Variants in MAVS observed in about 807,000 individuals in gnomAD.
MAVS encodes mitochondrial antiviral signaling protein.
A neutral mutation model predicts 30.2 loss-of-function variants in MAVS; 20 were observed. The ratio of observed to expected loss-of-function variants is 0.66; its 90% CI spans 0.47 to 0.96. The LOEUF (loss-of-function observed/expected upper bound fraction) is 0.96. Ranked by LOEUF, MAVS falls within the 40% of genes least tolerant of loss-of-function variation. The pLI, the probability that MAVS is intolerant of heterozygous loss-of-function variation, is 0.00. For synonymous variants in MAVS, 278 were observed against 293.9 expected, an observed-to-expected ratio of 0.95 and a Z score of 0.55; for missense variants, 624 against 701.1, an observed-to-expected ratio of 0.89 and a Z score of 1.24.
Position 3,875,659 on chromosome 20 carries a change from C to G in MAVS, c.*9512C>G, listed in dbSNP as rs1337823644. On this transcript the variant is annotated 3_prime_UTR_variant, in exon 7 of 7. Transcript: ENST00000428216. ...TCTTGTCCTGCATCCGCAGCCAGCT[C>G]CCACTTTCCTCACCCTCCAGGACCT... 1 of 152,276 alleles carries G rather than the reference C, an allele frequency of 6.6e-6. No individual in the cohort carries two copies. Among genetic ancestry groups the G allele is most frequent in the Non-Finnish European group, 1.5e-5 (1 of 68,042 alleles). The allele number at this position is 152,276 out of a possible 1,614,324, so 9.4% of individuals were successfully genotyped here.
chr20:3,848,265 AT>A (rs1283638724), intron 1 of MAVS, among the ~76,000 whole-genome samples: 1 of 151,820 alleles, frequency 6.6e-6, no homozygotes, highest in Non-Finnish European at 1.5e-5. Flanking sequence ...TGCCTGGCTA[AT>A]TTTTGCATTT....
At position 3,873,881 on chromosome 20, in the gene MAVS, G is replaced by A. The variant is rs2089972744; in HGVS notation, c.*7734G>A. 1.6e-5 allele frequency: 6 copies of A among 380,222 alleles called. No homozygotes were observed. Among genetic ancestry groups the A allele is most frequent in the Admixed American group, 4.6e-5 (1 of 21,818 alleles). The allele number at this position is 380,222 out of a possible 1,614,324, so 23.6% of individuals were successfully genotyped here. On this transcript the variant is annotated 3_prime_UTR_variant, in exon 7 of 7. Transcript: ENST00000428216. ...AGTATCTACCAAAAGCCGAACATAC[G>A]TATAAACTGATCCAGCAGTTCCACT...
chr20:3,848,642 T>C (rs558674859), intron 1 of MAVS, among the ~76,000 whole-genome samples: 1 of 152,286 alleles, frequency 6.6e-6, no homozygotes, highest in East Asian at 1.9e-4. Context: ...CTGTCTGCTC[T>C]ACAGCACTGC....
At chr20:3,859,210 A>C (rs1047897190) in intron 3 of MAVS, among the ~76,000 whole-genome samples, 3 of 142,926 alleles carry the variant, frequency 2.1e-5, no homozygotes, top group African/African-American at 7.7e-5. Flanking sequence ...ATGTGTGGAG[A>C]TTAATAGTGA....
rs1393833997 is a variant in MAVS, at chr20:3,868,090, T to G, written c.*1943T>G. ...CTAGGGGAGTTCAGCAACCTAATGA[T>G]CTCTATCTCTGAACATCTCTTCATC... is the stretch of plus-strand genomic sequence containing the variant. On this transcript the variant is annotated 3_prime_UTR_variant, in exon 7 of 7. Transcript: ENST00000428216. 6.6e-6 allele frequency: 1 copy of G among 152,202 alleles called. No homozygotes were observed. The highest frequency in any genetic ancestry group is 1.5e-5 in the Non-Finnish European group (1 of 68,090). 9.4% of individuals were successfully genotyped at this position (152,202 alleles called of 1,614,324 possible).
rs1310245514 is a variant in MAVS at position 3,865,522 on chromosome 20, T to G, written c.1159-161T>G. 2.6e-5 allele frequency among the ~76,000 whole-genome samples: 4 copies of G among 152,136 alleles called. No homozygotes were observed. The highest frequency in any genetic ancestry group is 4.4e-5 in the Non-Finnish European group (3 of 68,014). On this transcript the variant is annotated intron_variant, in intron 6 of 6. Transcript: ENST00000428216. This position sits in a 1 kb window ranked among gnomAD's most constrained non-coding sequence, Gnocchi z 4.7. Reference sequence around the variant, plus strand: ...ATTGGTGCAGATTCTTGGTCCCCTCTACCCCCACTGCTCCAAGAAAAGGTG... The same window carrying G: ...ATTGGTGCAGATTCTTGGTCCCCTCGACCCCCACTGCTCCAAGAAAAGGTG...
In MAVS at chr20:3,854,702, GA is replaced by G. The variant is rs2089794345; in HGVS notation, c.79del (p.Ile27PhefsTer50). 1.4e-5 allele frequency: 23 copies of G among 1,613,756 alleles called. No individual in the cohort carries two copies. The highest frequency in any genetic ancestry group is 1.7e-5 in the Non-Finnish European group (20 of 1,179,914). The stretch of plus-strand genomic sequence containing the variant: ...ATTTTTGCAATGTGGATGTTGTAGA[GA>G]TTCTGCCTTACCTGCCCTGCCTCAC... Reference protein sequence around the residue: ...SNFCNVDVVEILPYLPCLTAR... With the variant: ...SNFCNVDVVEXLPYLPCLTAR... On this transcript the variant is annotated frameshift_variant, in exon 2 of 7. Coordinates refer to ENST00000428216, the MANE Select transcript of MAVS (RefSeq NM_020746.5). LOFTEE classifies it high-confidence loss of function.
Position 3,865,972 on chromosome 20 carries a change from C to G in MAVS, c.1448C>G (p.Pro483Arg). ...NPSIQLLEGN[P>R]GPPADPDGGP... is the part of the protein sequence containing the mutation. ...AGCATCCAGCTCCTGGAGGGCAACC[C>G]TGGGCCACCTGCGGACCCGGATGGC... The change falls in exon 7 of 7, where the codon CCT (proline) becomes CGT (arginine). Residue 483 changes from proline (P) to arginine (R), a missense_variant. Transcript: ENST00000428216. The surrounding 1 kb of genome is among the most constrained non-coding windows in gnomAD (Gnocchi z 4.7). 6.2e-7 allele frequency: 1 copy of G among 1,613,516 alleles called. No individual in the cohort carries two copies. Among genetic ancestry groups the G allele is most frequent in the Non-Finnish European group, 8.5e-7 (1 of 1,180,014 alleles).
rs918855664 is a variant in MAVS, at chr20:3,866,572, T to C, written c.*425T>C. On this transcript the variant is annotated 3_prime_UTR_variant, in exon 7 of 7. Coordinates refer to ENST00000428216, the MANE Select transcript of MAVS (RefSeq NM_020746.5). ...TGAAGGCCTCAGGGCAGGTATGTGG[T>C]GTGTGGGCGACTCCACAAGACCTGC... 1 of 349,702 alleles carries C rather than the reference T, an allele frequency of 2.9e-6. No homozygotes were observed. Among genetic ancestry groups the C allele is most frequent in the African/African-American group, 2.1e-5 (1 of 46,970 alleles). The allele number at this position is 349,702 out of a possible 1,614,324, so 21.7% of individuals were successfully genotyped here.
Position 3,866,497 on chromosome 20 carries a change from C to A in MAVS, c.*350C>A. ...GTTGGCCCAGGTGGAGCAGGAGGGA[C>A]CACTGGAACATGTGGTGCTTGGGAA... is the stretch of plus-strand genomic sequence containing the variant. On this transcript the variant is annotated 3_prime_UTR_variant, in exon 7 of 7. Transcript: ENST00000428216. 1 of 383,658 alleles carries A rather than the reference C, an allele frequency of 2.6e-6. No individual in the cohort carries two copies. The highest frequency in any genetic ancestry group is 4.3e-5 in the Admixed American group (1 of 23,066). The allele number at this position is 383,658 out of a possible 1,614,324, so 23.8% of individuals were successfully genotyped here.
chr20:3,854,891 CTTTTTTT>C (rs61256246), intron 2 of MAVS, 150 bp downstream of exon 2: 8 of 304,166 alleles, frequency 2.6e-5, no homozygotes, highest in Non-Finnish European at 4.0e-5. Context: ...TGCTGCTTTT[CTTTTTTT>C]TTTTTTTTTT....
At chr20:3,848,291 G>A (rs947884299) in intron 1 of MAVS, among the ~76,000 whole-genome samples, 2 of 152,068 alleles carry the variant, frequency 1.3e-5, no homozygotes, top group African/African-American at 4.8e-5. Context: ...TAGAGACGGG[G>A]TTTCACCATG....
At chr20:3,855,005 C>T (rs1444984994) in intron 2 of MAVS, among the ~76,000 whole-genome samples, 1 of 151,284 alleles carries the variant, frequency 6.6e-6, no homozygotes, top group Non-Finnish European at 1.5e-5. Flanking sequence ...ATTCTCCTGC[C>T]TCAGCCTCCT....
chr20:3,859,400 T>C (rs1032298274), intron 3 of MAVS, among the ~76,000 whole-genome samples: 6 of 150,996 alleles, frequency 4.0e-5, no homozygotes, highest in Non-Finnish European at 7.4e-5. Context: ...CCCAGCTACT[T>C]GGGAGGCTGA....
intron 1 of MAVS, among the ~76,000 whole-genome samples, chr20:3,848,887 C>G (rs2089733529): frequency 6.6e-6 from 1 of 152,116 alleles, no homozygotes; most frequent in Non-Finnish European, 1.5e-5. Flanking sequence ...CCCTTATCTC[C>G]TACACCCTCA....
Position 3,865,559 on chromosome 20 carries a change from T to G in MAVS, c.1159-124T>G. 10 of 884,066 alleles carry G rather than the reference T, an allele frequency of 1.1e-5. No individual in the cohort carries two copies. Among genetic ancestry groups the G allele is most frequent in the Non-Finnish European group, 1.4e-5 (8 of 590,734 alleles). 54.8% of individuals were successfully genotyped at this position (884,066 alleles called of 1,614,324 possible). A position where few individuals can be genotyped will look rare whatever the true frequency, so the allele number is the denominator to read the frequency against. ...TCCAAGAAAAGGTGGCCTAGGGGCA[T>G]TATAGATTGGGAATTGAGGGGTTGG... On this transcript the variant is annotated intron_variant, in intron 6 of 6. Transcript: ENST00000428216. The surrounding 1 kb of genome is among the most constrained non-coding windows in gnomAD (Gnocchi z 4.7).
rs762460776 is a variant in MAVS, at chr20:3,875,326, G to A, written c.*9179G>A. The A allele has an allele frequency of 2.0e-5, 3 of 152,050 alleles. No individual in the cohort carries two copies. Among genetic ancestry groups the A allele is most frequent in the Non-Finnish European group, 2.9e-5 (2 of 68,018 alleles). 9.4% of individuals were successfully genotyped at this position (152,050 alleles called of 1,614,324 possible). A position where few individuals can be genotyped will look rare whatever the true frequency, so the allele number is the denominator to read the frequency against. On this transcript the variant is annotated 3_prime_UTR_variant, in exon 7 of 7. Coordinates refer to ENST00000428216, the MANE Select transcript of MAVS (RefSeq NM_020746.5). ...AACTACTTGGAAGGCTGAGGTGTGA[G>A]GATCTTTGAGCCCGGGAGGTCGAGG...
rs554518480 is a variant in MAVS at position 3,861,015 on chromosome 20, C to T, written c.293-317C>T. 2.8e-4 allele frequency among the ~76,000 whole-genome samples: 38 copies of T among 136,766 alleles called. No homozygotes were observed. In the South Asian group the frequency reaches 7.9e-3, roughly 28 times the overall value. 89.7% of individuals were successfully genotyped at this position (136,766 alleles called of 152,430 possible). On this transcript the variant is annotated intron_variant, in intron 3 of 6. Coordinates refer to ENST00000428216, the MANE Select transcript of MAVS (RefSeq NM_020746.5). ...TTTTTTCTTTCTTTTTTTTTTTAGA[C>T]GGAGTCTCGCTCTGTCGCCCAGGCT...
At chr20:3,858,976 T>G (rs2089837777) in intron 3 of MAVS, among the ~76,000 whole-genome samples, 1 of 151,816 alleles carries the variant, frequency 6.6e-6, no homozygotes, top group Non-Finnish European at 1.5e-5. Flanking sequence ...ATTTTTAAAT[T>G]TTTTGTAGAG....
Sources: allele counts gnomAD v4.1 joint callset (sites outside exome capture counted in the v4.1 genomes callset), GRCh38; gene constraint gnomAD v4.1.1; non-coding constraint Gnocchi (gnomAD v3.1); transcripts MANE v1.5; gene names NCBI Gene and HGNC (gene_info 2026-07-23, HGNC 2026-07-21).